Variants in NAV2 observed in about 807,000 individuals in gnomAD.
The protein encoded by NAV2 is neuron navigator 2.
A neutral mutation model predicts 223.2 loss-of-function variants in NAV2; 54 were observed. That is an observed-to-expected ratio of 0.24 (90% CI 0.19 to 0.30). The LOEUF is 0.30. Ranked by LOEUF, NAV2 falls within the 10% of genes least tolerant of loss-of-function variation. The probability of loss-of-function intolerance (pLI) is 1.00; values close to 1 mark genes in which losing one functional copy is unlikely to be tolerated. For missense variants in NAV2, 2,806 were observed against 3,147.5 expected, an observed-to-expected ratio of 0.89 and a Z score of 2.60; for synonymous variants, 1,279 against 1,239.3, an observed-to-expected ratio of 1.03 and a Z score of -0.67.
intron 1 of NAV2, among the ~76,000 whole-genome samples, chr11:19,390,417 C>T (rs995920295): frequency 1.3e-5 from 2 of 152,176 alleles, no homozygotes; most frequent in Non-Finnish European, 2.9e-5. Context: ...AAAATAATAA[C>T]AAATATGAAT....
intron 1 of NAV2, among the ~76,000 whole-genome samples, chr11:19,644,283 C>T (rs994864730): frequency 1.3e-5 from 2 of 152,212 alleles, no homozygotes; most frequent in Admixed American, 6.5e-5. Flanking sequence ...CCCTGGGAAA[C>T]TTGTCCTTGT....
chr11:19,514,108 T>C (rs1204204338), intron 1 of NAV2, among the ~76,000 whole-genome samples: 3 of 152,160 alleles, frequency 2.0e-5, no homozygotes, highest in Non-Finnish European at 2.9e-5. Flanking sequence ...AATCTGTATA[T>C]TTTCTTTTAC....
chr11:19,850,359 A>T (rs12361438), intron 3 of NAV2, among the ~76,000 whole-genome samples: 1 of 152,040 alleles, frequency 6.6e-6, no homozygotes, highest in Non-Finnish European at 1.5e-5. Context: ...CATGTCTTTC[A>T]CTTGAGTATC....
intron 22 of NAV2, among the ~76,000 whole-genome samples, chr11:20,074,793 G>A (rs1591998677): frequency 1.1e-5 from 1 of 87,346 alleles, no homozygotes; most frequent in African/African-American, 6.2e-5. Flanking sequence ...CATTTGCTTG[G>A]TAAATATTCC....
chr11:19,759,367 G>GC (rs2054537145), intron 1 of NAV2, among the ~76,000 whole-genome samples: 1 of 152,122 alleles, frequency 6.6e-6, no homozygotes, highest in Admixed American at 6.5e-5. Flanking sequence ...ACAGGCGTGA[G>GC]CCACCGTGCC....
At chr11:19,744,423 G>A (rs2053154723) in intron 1 of NAV2, among the ~76,000 whole-genome samples, 4 of 152,172 alleles carry the variant, frequency 2.6e-5, no homozygotes. Flanking sequence ...CACCACTCAT[G>A]TGGGGCCCAT....
chr11:19,371,438 C>G (rs1848466210), intron 1 of NAV2, among the ~76,000 whole-genome samples: 1 of 152,202 alleles, frequency 6.6e-6, no homozygotes, highest in South Asian at 2.1e-4. Flanking sequence ...GCAACTTGCC[C>G]GAGACCCTTC....
At chr11:20,113,894 C>A (rs2062834782) in intron 36 of NAV2, among the ~76,000 whole-genome samples, 1 of 152,166 alleles carries the variant, frequency 6.6e-6, no homozygotes, top group African/African-American at 2.4e-5. Flanking sequence ...CACAAGTAGT[C>A]TCAGCTACTT....
intron 1 of NAV2, among the ~76,000 whole-genome samples, chr11:19,531,074 A>C (rs2044014820): frequency 1.3e-5 from 2 of 152,220 alleles, no homozygotes; most frequent in Non-Finnish European, 2.9e-5. Context: ...GATTACTACT[A>C]TTTCTATGTA....
chr11:19,405,035 G>C (rs1849835884), intron 1 of NAV2, among the ~76,000 whole-genome samples: 1 of 152,142 alleles, frequency 6.6e-6, no homozygotes, highest in Admixed American at 6.5e-5. Flanking sequence ...GCAAAAGGCA[G>C]CTAACTTTCA....
intron 1 of NAV2, among the ~76,000 whole-genome samples, chr11:19,390,657 G>A (rs891113763): frequency 5.3e-5 from 8 of 152,284 alleles, no homozygotes; most frequent in Non-Finnish European, 5.9e-5. Context: ...GACCCCTCTG[G>A]TTTGCCTGCT....
At chr11:19,757,167 G>A (rs567633932) in intron 1 of NAV2, among the ~76,000 whole-genome samples, 106 of 152,280 alleles carry the variant, frequency 7.0e-4, no homozygotes, top group African/African-American at 2.4e-3. Context: ...TTGTTTTGAA[G>A]CTGAGAGAGC....
intron 1 of NAV2, among the ~76,000 whole-genome samples, chr11:19,623,570 T>A (rs536608460): frequency 2.0e-5 from 3 of 152,368 alleles, no homozygotes; most frequent in East Asian, 3.9e-4. Context: ...CTACTGAAGC[T>A]TGTGCATTTG....
intron 1 of NAV2, among the ~76,000 whole-genome samples, chr11:19,537,532 T>G (rs1423868767): frequency 2.0e-5 from 3 of 152,192 alleles, no homozygotes; most frequent in South Asian, 2.1e-4. Context: ...GCTGCATGGA[T>G]TTGATTTGCT....
At position 19,977,643 on chromosome 11, in the gene NAV2, A is replaced by C. The variant is rs553051357; in HGVS notation, c.2646-6482A>C. ...CCATGTGTTTCCTTAGCAAAATTTT[A>C]AGTATTCACTAAATTTTAGTGCTGC... On this transcript the variant is annotated intron_variant, in intron 10 of 37. Transcript: ENST00000349880. Among the ~76,000 whole-genome samples, 85 of 152,274 alleles carry C rather than the reference A, an allele frequency of 5.6e-4. 4 individuals carry two copies. In the South Asian group the frequency reaches 0.017, roughly 30 times the overall value.
chr11:19,798,333 TTGAAGCTTTTGCAGTTCTCCA>T (rs2058049729), intron 1 of NAV2, among the ~76,000 whole-genome samples: 2 of 152,242 alleles, frequency 1.3e-5, no homozygotes, highest in African/African-American at 4.8e-5. Flanking sequence ...TGCAGAGAGC[TTGAAGCTTTTGCAGTTCTCCA>T]AGCATCTGGC....
intron 1 of NAV2, among the ~76,000 whole-genome samples, chr11:19,824,687 C>A (rs1450249264): frequency 6.6e-6 from 1 of 152,066 alleles, no homozygotes; most frequent in African/African-American, 2.4e-5. Flanking sequence ...AAAAAGCCAC[C>A]AGCTAATTTC....
At chr11:19,879,385 A>G (rs544150359) in intron 4 of NAV2, among the ~76,000 whole-genome samples, 3 of 152,148 alleles carry the variant, frequency 2.0e-5, no homozygotes, top group Non-Finnish European at 4.4e-5. Context: ...GGGGACACAG[A>G]GCCACGTATT....
chr11:19,595,225 C>G lies in NAV2; in HGVS notation c.76-237259C>G, dbSNP rs78098728. ...CTCCTGGGGCATTCATTCCACCACA[C>G]CTTTGACCTGCCCTGTCCTTGGGCT... On this transcript the variant is annotated intron_variant, in intron 1 of 37. Transcript: ENST00000360655. 6.5e-3 allele frequency among the ~76,000 whole-genome samples: 993 copies of G among 152,242 alleles called. 19 individuals are homozygous for G. The highest frequency in any genetic ancestry group is 0.038 in the East Asian group (196 of 5,174).
Sources: gnomAD v4.1 joint callset for allele counts (sites outside exome capture counted in the v4.1 genomes callset) on GRCh38, gnomAD v4.1.1 for gene constraint, MANE v1.5 for transcripts, NCBI Gene and HGNC (gene_info 2026-07-23, HGNC 2026-07-21) for gene names.